The following FAM81A variants were observed in gnomAD, a reference collection of about 807,000 sequenced individuals.
FAM81A encodes the protein protein FAM81A.
FAM81A carries 19 observed loss-of-function variants against 46.7 expected under a neutral mutation model. That is an observed-to-expected ratio of 0.41 (90% CI 0.28 to 0.60). The LOEUF (loss-of-function observed/expected upper bound fraction) is 0.60. Ranked by LOEUF, FAM81A falls within the 20% of genes least tolerant of loss-of-function variation. The pLI is 0.34. For synonymous variants in FAM81A, 183 were observed against 152.9 expected (o/e 1.20, Z -1.45); for missense variants, 377 against 453.5 (o/e 0.83, Z 1.53).
intron 2 of FAM81A, among the ~76,000 whole-genome samples, chr15:59,432,735 A>G (rs1263872482): frequency 6.6e-6 from 1 of 152,238 alleles, no homozygotes; most frequent in East Asian, 1.9e-4. Flanking sequence ...AACATTGGCT[A>G]TGATTGCAAC....
chr15:59,449,769 G>A lies in FAM81A; in HGVS notation c.-77-8781G>A, dbSNP rs369533256. ...TGCACTCCAGCCTGGGCGACAGAGC[G>A]AGACTCTGTCTCAAAAAAAAAAAAA... On this transcript the variant is annotated intron_variant, in intron 1 of 8. Coordinates refer to ENST00000288228, the MANE Select transcript of FAM81A (RefSeq NM_152450.3). 4.2e-4 allele frequency among the ~76,000 whole-genome samples: 44 copies of A among 105,176 alleles called. No homozygotes were observed. In the East Asian group the frequency reaches 7.5e-3, roughly 18 times the overall value. The allele number at this position is 105,176 out of a possible 152,430, so 69.0% of individuals were successfully genotyped here.
At chr15:59,418,897 A>C (rs1305620684) in intron 2 of FAM81A, among the ~76,000 whole-genome samples, 1 of 152,218 alleles carries the variant, frequency 6.6e-6, no homozygotes, top group East Asian at 1.9e-4. Flanking sequence ...GTCCATTGAT[A>C]TACAATTAAT....
chr15:59,426,230 A>C (rs1431403020), intron 2 of FAM81A, among the ~76,000 whole-genome samples: 1 of 152,226 alleles, frequency 6.6e-6, no homozygotes, highest in East Asian at 1.9e-4. Flanking sequence ...AAGAATTTCA[A>C]AATAATAGGT....
intron 2 of FAM81A, among the ~76,000 whole-genome samples, chr15:59,416,350 G>A (rs2081146669): frequency 2.6e-5 from 4 of 152,226 alleles, no homozygotes; most frequent in Admixed American, 1.3e-4. Context: ...ATGGAGAGAC[G>A]GGGGCTTTTG....
In FAM81A at chr15:59,460,065, C is replaced by T; in HGVS notation, c.153C>T (p.Ala51=). The T allele has an allele frequency of 6.2e-7, 1 of 1,613,922 alleles. No homozygotes were observed. ...CCACCGCCGCCCTCGTAGAGCACGC[C>T]TTTCGGATTAAAGATGACATTGTCA... is the stretch of plus-strand genomic sequence containing the variant. The part of the protein sequence containing the change: ...EKTTAALVEH[A]FRIKDDIVNS... The change falls in exon 3 of 9, where the codon GCC becomes GCT. Residue 51 remains alanine, a synonymous_variant. Coordinates refer to ENST00000288228, the MANE Select transcript of FAM81A (RefSeq NM_152450.3). The surrounding 1 kb of genome is among the most constrained non-coding windows in gnomAD (Gnocchi z 4.4).
At chr15:59,473,967 G>A (rs1466434953) in intron 3 of FAM81A, among the ~76,000 whole-genome samples, 2 of 152,174 alleles carry the variant, frequency 1.3e-5, no homozygotes, top group Admixed American at 1.3e-4. Context: ...ATAAGCTACA[G>A]TGCCCAGCCA....
intron 3 of FAM81A, among the ~76,000 whole-genome samples, chr15:59,467,746 T>C (rs2081632333): frequency 6.6e-6 from 1 of 152,216 alleles, no homozygotes; most frequent in African/African-American, 2.4e-5. Flanking sequence ...CAACACCATG[T>C]TGAACAGGAA....
chr15:59,500,766 C>G (rs1035161772), intron 4 of FAM81A, among the ~76,000 whole-genome samples: 2 of 151,436 alleles, frequency 1.3e-5, no homozygotes, highest in Non-Finnish European at 2.9e-5. Context: ...AGTCTTTGTT[C>G]TACCTATTCA....
chr15:59,519,195 T>C (rs966147667), intron 8 of FAM81A, among the ~76,000 whole-genome samples: 1 of 151,932 alleles, frequency 6.6e-6, no homozygotes, highest in Non-Finnish European at 1.5e-5. Context: ...TTCTTTCTTT[T>C]CTTTTTTTTT....
intron 2 of FAM81A, among the ~76,000 whole-genome samples, chr15:59,428,676 G>T (rs1411480506): frequency 2.9e-5 from 4 of 138,832 alleles, no homozygotes; most frequent in African/African-American, 1.1e-4. Context: ...TGTCACCCAG[G>T]GTGGAATGCA....
At chr15:59,480,460 A>G (rs1210717888) in intron 3 of FAM81A, among the ~76,000 whole-genome samples, 13 of 152,170 alleles carry the variant, frequency 8.5e-5, no homozygotes, top group Non-Finnish European at 5.9e-5. Flanking sequence ...AGAAGTCCCT[A>G]TTCCAAGCCG....
chr15:59,464,181 T>C (rs1358607427), intron 3 of FAM81A, among the ~76,000 whole-genome samples: 1 of 152,226 alleles, frequency 6.6e-6, no homozygotes, highest in Non-Finnish European at 1.5e-5. Flanking sequence ...TATTCCATTG[T>C]GTATATACAC....
At chr15:59,517,704 T>C (rs1209915012) in intron 8 of FAM81A, among the ~76,000 whole-genome samples, 1 of 152,210 alleles carries the variant, frequency 6.6e-6, no homozygotes, top group East Asian at 1.9e-4. Flanking sequence ...GTTTATTATT[T>C]TATTTATAGG....
intron 3 of FAM81A, among the ~76,000 whole-genome samples, chr15:59,474,952 T>C (rs538001501): frequency 6.6e-6 from 1 of 152,342 alleles, no homozygotes; most frequent in African/African-American, 2.4e-5. Flanking sequence ...CATTCTTTGC[T>C]TTCTGAGTTT....
chr15:59,491,646 A>G (rs912649161), intron 3 of FAM81A, among the ~76,000 whole-genome samples: 1 of 152,198 alleles, frequency 6.6e-6, no homozygotes, highest in Non-Finnish European at 1.5e-5. Flanking sequence ...TGATTATTAC[A>G]CATTGCATGC....
chr15:59,421,065 C>T (rs922484966), intron 2 of FAM81A, among the ~76,000 whole-genome samples: 31 of 152,294 alleles, frequency 2.0e-4, no homozygotes, highest in Non-Finnish European at 3.8e-4. Context: ...GGTGGGGTCA[C>T]GTTCTCTAGG....
intron 2 of FAM81A, 43 bp downstream of exon 2, chr15:59,458,689 G>A: frequency 6.4e-7 from 1 of 1,556,252 alleles, no homozygotes; most frequent in Non-Finnish European, 8.9e-7. Flanking sequence ...GCTGCTAGTG[G>A]GTGTGATAGT....
At chr15:59,406,071 A>C (rs2140467075) in intron 2 of FAM81A, among the ~76,000 whole-genome samples, 1 of 152,292 alleles carries the variant, frequency 6.6e-6, no homozygotes, top group East Asian at 1.9e-4. Context: ...GGAAACGAAG[A>C]CTGGAAATGT....
chr15:59,481,118 C>A (rs1411397770), intron 3 of FAM81A, among the ~76,000 whole-genome samples: 5 of 152,062 alleles, frequency 3.3e-5, no homozygotes, highest in African/African-American at 1.2e-4. Flanking sequence ...CCTCAGCCTC[C>A]CGAATAGCTA....
Sources: gnomAD v4.1 joint callset for allele counts (sites outside exome capture counted in the v4.1 genomes callset) on GRCh38, gnomAD v4.1.1 for gene constraint, Gnocchi (gnomAD v3.1) non-coding constraint, MANE v1.5 for transcripts, NCBI Gene and HGNC (gene_info 2026-07-23, HGNC 2026-07-21) for gene names.